RALGPS1: variants seen among roughly 807,000 people sequenced by gnomAD.
The protein encoded by RALGPS1 is Ral GEF with PH domain and SH3 binding motif 1, also known as ras-specific guanine nucleotide-releasing factor RalGPS1.
In RALGPS1, 19 loss-of-function variants were observed where a neutral mutation model predicts 78.8. That is an observed-to-expected ratio of 0.24 (90% confidence interval 0.17 to 0.35). RALGPS1 has a LOEUF of 0.35. RALGPS1 is among the 10% of genes least tolerant of loss of function. The pLI is 1.00. For missense variants in RALGPS1, 454 were observed against 688.3 expected (o/e 0.66, Z 3.81); for synonymous variants, 228 against 256.3 (o/e 0.89, Z 1.06).
chr9:127,193,251 A>G (rs2061173056), intron 11 of RALGPS1, among the ~76,000 whole-genome samples: 2 of 152,192 alleles, frequency 1.3e-5, no homozygotes, highest in Admixed American at 6.5e-5. Flanking sequence ...TGGCTGTGAG[A>G]GAGATCCCAC....
At chr9:127,153,589 C>T (rs1034451633) in intron 8 of RALGPS1, among the ~76,000 whole-genome samples, 2 of 152,048 alleles carry the variant, frequency 1.3e-5, no homozygotes, top group Non-Finnish European at 2.9e-5. Context: ...TGGCGGCGCA[C>T]ATCACTGAGT....
At position 127,091,638 on chromosome 9, in the gene RALGPS1, C is replaced by A. The variant is rs2789510; in HGVS notation, c.610+22282C>A. On this transcript the variant is annotated intron_variant, in intron 8 of 18. Coordinates refer to ENST00000259351, the MANE Select transcript of RALGPS1 (RefSeq NM_014636.3). The surrounding 1 kb of genome is among the most constrained non-coding windows in gnomAD (Gnocchi z 4.3). ...GCTCTGGTTGACCTCTTTTCCCTAC[C>A]CTGCACCTGGGTTTGACTCCACTTT... The A allele has an allele frequency of 1.2e-6, 2 of 1,602,410 alleles. No homozygotes were observed. Among genetic ancestry groups the A allele is most frequent in the Non-Finnish European group, 1.7e-6 (2 of 1,173,080 alleles).
chr9:127,147,944 A>C (rs1345096143), intron 8 of RALGPS1, among the ~76,000 whole-genome samples: 1 of 152,210 alleles, frequency 6.6e-6, no homozygotes, highest in Admixed American at 6.5e-5. Flanking sequence ...ATTAAGATTC[A>C]GATAAGGTAA....
chr9:127,095,475 A>G (rs149744111), intron 8 of RALGPS1, among the ~76,000 whole-genome samples: 1 of 152,232 alleles, frequency 6.6e-6, no homozygotes, highest in East Asian at 1.9e-4. Flanking sequence ...GTACCATTGT[A>G]TGTTTTCTAT....
At chr9:126,948,289 G>A (rs1228957686) in intron 1 of RALGPS1, among the ~76,000 whole-genome samples, 2 of 152,238 alleles carry the variant, frequency 1.3e-5, no homozygotes, top group Non-Finnish European at 2.9e-5. Flanking sequence ...GCCGAGGTGG[G>A]CAGATCACTT....
At chr9:126,966,232 G>C (rs112767130) in intron 3 of RALGPS1, among the ~76,000 whole-genome samples, 6 of 152,218 alleles carry the variant, frequency 3.9e-5, no homozygotes, top group Non-Finnish European at 8.8e-5. Context: ...AAAAATTCAT[G>C]TACAGACTGG....
intron 1 of RALGPS1, among the ~76,000 whole-genome samples, chr9:126,961,310 C>T (rs1249168120): frequency 1.3e-5 from 2 of 152,124 alleles, no homozygotes; most frequent in Non-Finnish European, 2.9e-5. Flanking sequence ...CTCCCTGTGC[C>T]TCAGTTTCCC....
chr9:127,041,094 C>CTT (rs138634149), intron 5 of RALGPS1, among the ~76,000 whole-genome samples: 1 of 123,482 alleles, frequency 8.1e-6, no homozygotes, highest in African/African-American at 2.7e-5. Context: ...TTCTTTCTTT[C>CTT]TTTTTTTTTA....
chr9:127,066,915 C>T (rs187760096), intron 7 of RALGPS1, among the ~76,000 whole-genome samples: 4 of 152,266 alleles, frequency 2.6e-5, no homozygotes, highest in Admixed American at 2.6e-4. Context: ...CCTCAACCTC[C>T]TGGACTTAAG....
intron 6 of RALGPS1, 58 bp from the exon 7 acceptor site, chr9:127,052,789 A>G (rs2048403960): frequency 1.9e-6 from 2 of 1,057,480 alleles, no homozygotes; most frequent in African/African-American, 3.2e-5. Context: ...ACACTTGAGC[A>G]TGTTTTTGTT....
rs1299838142 is a variant in RALGPS1 at position 127,029,778 on chromosome 9, C to T, written c.217-4653C>T. Among the ~76,000 whole-genome samples, 4 of 152,306 alleles carry T rather than the reference C, an allele frequency of 2.6e-5. No homozygotes were observed. The East Asian group carries it at 7.7e-4, about 29-fold the overall frequency. On this transcript the variant is annotated intron_variant, in intron 4 of 18. Coordinates refer to ENST00000259351, the MANE Select transcript of RALGPS1 (RefSeq NM_014636.3). ...CCCAGTCTCCTTTCCCAAGGCCTTA[C>T]GTGATGGACTCCAGACACGGTCAGG...
rs556040188 is a variant in RALGPS1, at chr9:127,221,444, T to G, written c.*2675T>G. 1 of 152,342 alleles carries G rather than the reference T, an allele frequency of 6.6e-6. No individual in the cohort carries two copies. Among genetic ancestry groups the G allele is most frequent in the Non-Finnish European group, 1.5e-5 (1 of 68,034 alleles). 9.4% of individuals were successfully genotyped at this position (152,342 alleles called of 1,614,324 possible). On this transcript the variant is annotated 3_prime_UTR_variant, in exon 19 of 19. Coordinates refer to ENST00000259351, the MANE Select transcript of RALGPS1 (RefSeq NM_014636.3). ...TGTCTACAACTGTGGAGTTGGTAGCTGGTAACATTGTTGTCTCAAGAACAA... is the reference window on the plus strand; with the variant it reads ...TGTCTACAACTGTGGAGTTGGTAGCGGGTAACATTGTTGTCTCAAGAACAA...
intron 8 of RALGPS1, among the ~76,000 whole-genome samples, chr9:127,110,867 G>A (rs113381237): frequency 5.9e-5 from 9 of 152,142 alleles, no homozygotes; most frequent in African/African-American, 2.2e-4. Flanking sequence ...TCATTTACCT[G>A]GACTATTGGA....
chr9:127,198,903 G>T (rs2061475999), intron 13 of RALGPS1, 112 bp from the exon 14 acceptor site: 1 of 906,124 alleles, frequency 1.1e-6, no homozygotes, highest in African/African-American at 1.6e-5. Flanking sequence ...ATGTCAGGAA[G>T]CAGTTTCTGT....
At chr9:126,926,062 T>A (rs753286328) in intron 1 of RALGPS1, among the ~76,000 whole-genome samples, 17 of 152,242 alleles carry the variant, frequency 1.1e-4, no homozygotes, top group Non-Finnish European at 2.1e-4. Flanking sequence ...TCATTTTTCA[T>A]AACTCCCCAG....
intron 7 of RALGPS1, among the ~76,000 whole-genome samples, chr9:127,060,709 G>C (rs1281081176): frequency 1.3e-5 from 2 of 152,080 alleles, no homozygotes; most frequent in Non-Finnish European, 2.9e-5. Flanking sequence ...CGTTACTGGA[G>C]TGATCTCTCC....
At chr9:126,966,211 C>G (rs115707189) in intron 3 of RALGPS1, among the ~76,000 whole-genome samples, 1 of 152,080 alleles carries the variant, frequency 6.6e-6, no homozygotes, top group African/African-American at 2.4e-5. Context: ...TTGTGGAGAA[C>G]GTGCAATTTA....
At chr9:127,140,775 C>T (rs538319867) in intron 8 of RALGPS1, among the ~76,000 whole-genome samples, 2 of 152,222 alleles carry the variant, frequency 1.3e-5, no homozygotes, top group East Asian at 3.9e-4. Context: ...ATTTAAGATA[C>T]ACAGAACAGC....
intron 8 of RALGPS1, among the ~76,000 whole-genome samples, chr9:127,140,156 A>G (rs1473370781): frequency 6.6e-6 from 1 of 152,162 alleles, no homozygotes; most frequent in Non-Finnish European, 1.5e-5. Context: ...TGTTAGGGCC[A>G]ACTCCTCTTC....
Sources: gnomAD v4.1 joint callset for allele counts (sites outside exome capture counted in the v4.1 genomes callset) on GRCh38, gnomAD v4.1.1 for gene constraint, Gnocchi (gnomAD v3.1) non-coding constraint, MANE v1.5 for transcripts, NCBI Gene and HGNC (gene_info 2026-07-23, HGNC 2026-07-21) for gene names.